Variants in AKAP19 observed in about 807,000 individuals in gnomAD.
The protein encoded by AKAP19 is A-kinase anchoring protein 19.
chr2:190,003,143 T>C, the AKAP19 span, among the ~76,000 whole-genome samples: 3 of 152,304 alleles, frequency 2.0e-5, no homozygotes, highest in African/African-American at 7.2e-5. Context: ...GACTTGTGTA[T>C]GTTGCTCTTG....
chr2:190,076,821 T>A, the AKAP19 span, among the ~76,000 whole-genome samples: 2 of 152,220 alleles, frequency 1.3e-5, no homozygotes, highest in South Asian at 2.1e-4. Context: ...TAGTTTTCAT[T>A]AAATTTGGAA....
At chr2:190,062,634 TTTC>T in the AKAP19 span, 132 of 1,594,700 alleles carry the variant, frequency 8.3e-5, no homozygotes, top group African/African-American at 1.6e-3. Flanking sequence ...CTTGTTCTTG[TTTC>T]TTCCTTTTAC....
the AKAP19 span, among the ~76,000 whole-genome samples, chr2:190,094,152 GC>G: frequency 1.3e-5 from 2 of 152,198 alleles, no homozygotes; most frequent in African/African-American, 4.8e-5. Context: ...GAGTCTTGTG[GC>G]TGGAAAGCAA....
At chr2:189,908,668 G>A in the AKAP19 span, among the ~76,000 whole-genome samples, 142,727 of 152,294 alleles carry the variant, frequency 0.94, 67,003 homozygotes, top group East Asian at 0.98. Context: ...ATTTAAAAAT[G>A]TTTGTCCAGT....
chr2:190,141,762 G>C, the AKAP19 span, among the ~76,000 whole-genome samples: 3 of 152,172 alleles, frequency 2.0e-5, no homozygotes, highest in Non-Finnish European at 2.9e-5. Context: ...TTGAGCAAAG[G>C]GGGCTTGCTG....
At chr2:190,033,680 G>A in the AKAP19 span, among the ~76,000 whole-genome samples, 1 of 152,122 alleles carries the variant, frequency 6.6e-6, no homozygotes, top group Non-Finnish European at 1.5e-5. Flanking sequence ...TGCTGCTTTT[G>A]TATAATTATA....
chr2:189,950,333 T>TG, the AKAP19 span, among the ~76,000 whole-genome samples: 2 of 34,604 alleles, frequency 5.8e-5, no homozygotes, highest in Non-Finnish European at 1.3e-4. Context: ...CAGCCTTTTT[T>TG]GTTTTTTTTT....
the AKAP19 span, among the ~76,000 whole-genome samples, chr2:190,031,324 T>C: frequency 6.6e-6 from 1 of 152,224 alleles, no homozygotes; most frequent in African/African-American, 2.4e-5. Flanking sequence ...AATCCCATGC[T>C]AATTAGTTTA....
chr2:190,060,378 G>A, the AKAP19 span: 6 of 1,611,288 alleles, frequency 3.7e-6, no homozygotes, highest in East Asian at 1.3e-4. Context: ...TTGTATTTTA[G>A]AGCTAAATTT....
chr2:190,025,288 G>A, the AKAP19 span, among the ~76,000 whole-genome samples: 1 of 152,086 alleles, frequency 6.6e-6, no homozygotes, highest in South Asian at 2.1e-4. Flanking sequence ...ATTTTTAGCA[G>A]AGCATACAAG....
At chr2:189,925,865 C>T in the AKAP19 span, among the ~76,000 whole-genome samples, 1 of 152,000 alleles carries the variant, frequency 6.6e-6, no homozygotes, top group Admixed American at 6.6e-5. Flanking sequence ...AAGAAAAGAC[C>T]ATTTCATGAA....
the AKAP19 span, among the ~76,000 whole-genome samples, chr2:190,058,224 A>C: frequency 6.6e-6 from 1 of 152,034 alleles, no homozygotes; most frequent in Non-Finnish European, 1.5e-5. Context: ...CAGGTATTTA[A>C]AAATTTGTTG....
chr2:190,188,271 C>G, the AKAP19 span, among the ~76,000 whole-genome samples: 1 of 152,198 alleles, frequency 6.6e-6, no homozygotes, highest in African/African-American at 2.4e-5. Flanking sequence ...AAGGGATGCT[C>G]TGATAGTTCT....
the AKAP19 span, among the ~76,000 whole-genome samples, chr2:189,926,923 G>T: frequency 2.0e-5 from 3 of 151,908 alleles, no homozygotes; most frequent in African/African-American, 7.3e-5. Flanking sequence ...TTACTTTGTT[G>T]CCCAGGCTGG....
At chr2:190,199,987 A>C in the AKAP19 span, 1 of 1,614,006 alleles carries the variant, frequency 6.2e-7, no homozygotes, top group African/African-American at 1.3e-5. Flanking sequence ...TTCTCCAGTT[A>C]ATGTCAAAGA....
the AKAP19 span, among the ~76,000 whole-genome samples, chr2:190,050,140 T>C: frequency 6.6e-5 from 10 of 152,232 alleles, no homozygotes; most frequent in African/African-American, 2.4e-4. Flanking sequence ...AGAGCTCTGC[T>C]GTGCAATGTA....
chr2:190,037,187 A>G, the AKAP19 span, among the ~76,000 whole-genome samples: 82 of 152,308 alleles, frequency 5.4e-4, no homozygotes, highest in African/African-American at 1.9e-3. Flanking sequence ...GTTTCTTGGG[A>G]CTTTCTAAGA....
the AKAP19 span, among the ~76,000 whole-genome samples, chr2:190,162,834 T>C: frequency 6.6e-6 from 1 of 152,156 alleles, no homozygotes; most frequent in Non-Finnish European, 1.5e-5. Context: ...AGAATATTTC[T>C]TGCCTGGAAA....
the AKAP19 span, among the ~76,000 whole-genome samples, chr2:190,149,193 C>T: frequency 6.6e-6 from 1 of 152,156 alleles, no homozygotes; most frequent in Non-Finnish European, 1.5e-5. Flanking sequence ...GAACTCCCAA[C>T]CTCAGGTGAT....
Sources: gnomAD v4.1 joint callset for allele counts (sites outside exome capture counted in the v4.1 genomes callset) on GRCh38, gnomAD v4.1.1 for gene constraint, MANE v1.5 for transcripts, NCBI Gene and HGNC (gene_info 2026-07-23, HGNC 2026-07-21) for gene names.